The following MSH4 variants were observed in gnomAD, a reference collection of about 807,000 sequenced individuals.
MSH4 encodes the protein mutS homolog 4.
A neutral mutation model predicts 113.7 loss-of-function variants in MSH4; 106 were observed. The ratio of observed to expected loss-of-function variants is 0.93; its 90% CI spans 0.80 to 1.10. MSH4 has a LOEUF of 1.10. Ranked by LOEUF, MSH4 falls within the 50% of genes least tolerant of loss-of-function variation. MSH4 has a pLI of 0.00. For missense variants in MSH4, 1,061 were observed against 1,093.7 expected (o/e 0.97, Z 0.42); for synonymous variants, 368 against 380.2 (o/e 0.97, Z 0.37).
chr1:75,889,402 C>T, intron 16 of MSH4, 33 bp downstream of exon 16: 1 of 954,998 alleles, frequency 1.0e-6, no homozygotes, highest in Non-Finnish European at 1.6e-6. Flanking sequence ...ATGTTAAAAA[C>T]ATTAAATTCT....
chr1:75,898,263 A>T (rs1652427854), intron 18 of MSH4, among the ~76,000 whole-genome samples, 182 bp downstream of exon 18: 1 of 152,112 alleles, frequency 6.6e-6, no homozygotes, highest in Non-Finnish European at 1.5e-5. Flanking sequence ...AGATATAGAT[A>T]TATAAATCTT....
At chr1:75,826,401 C>G (rs908488283) in intron 7 of MSH4, among the ~76,000 whole-genome samples, 4 of 152,032 alleles carry the variant, frequency 2.6e-5, no homozygotes, top group African/African-American at 7.2e-5. Flanking sequence ...TTAATCTTTT[C>G]AAAAAACCAG....
chr1:75,799,016 G>A (rs1424949037), intron 1 of MSH4, among the ~76,000 whole-genome samples: 1 of 152,140 alleles, frequency 6.6e-6, no homozygotes, highest in Non-Finnish European at 1.5e-5. Flanking sequence ...AAAGCAATTG[G>A]GATCGGTTTC....
chr1:75,887,777 G>C (rs1412341657), intron 15 of MSH4, among the ~76,000 whole-genome samples: 1 of 151,938 alleles, frequency 6.6e-6, no homozygotes, highest in Non-Finnish European at 1.5e-5. Context: ...GGTCATTCCT[G>C]TTTTCTTGGA....
intron 6 of MSH4, among the ~76,000 whole-genome samples, chr1:75,816,818 G>C (rs964005882): frequency 2.0e-5 from 3 of 152,014 alleles, no homozygotes; most frequent in Non-Finnish European, 4.4e-5. Context: ...ATAGAGACAG[G>C]GTTTCACCAT....
intron 12 of MSH4, 27 bp from the exon 13 acceptor site, chr1:75,880,023 G>T: frequency 8.8e-7 from 1 of 1,141,340 alleles, no homozygotes; most frequent in Admixed American, 1.8e-5. Flanking sequence ...CATTTATCTT[G>T]ACATTTGTTT....
Position 75,881,290 on chromosome 1 carries a change from G to A in MSH4, c.1826G>A (p.Cys609Tyr). ...LLSEIYEHIH[C>Y]LYKLSDTVSM... is the part of the protein sequence containing the mutation. Reference sequence around the variant, plus strand: ...AGTGAGATTTATGAACATATTCATTGCTTATATAAACTATCTGACACTGTG... The same window carrying A: ...AGTGAGATTTATGAACATATTCATTACTTATATAAACTATCTGACACTGTG... Residue 609 changes from cysteine to tyrosine, a missense_variant, in exon 14 of 20, where the codon TGC becomes TAC. Coordinates refer to ENST00000263187, the MANE Select transcript of MSH4 (RefSeq NM_002440.4). 1 of 1,608,574 alleles carries A rather than the reference G, an allele frequency of 6.2e-7. No individual in the cohort carries two copies. Among genetic ancestry groups the A allele is most frequent in the Non-Finnish European group, 8.5e-7 (1 of 1,176,132 alleles).
At chr1:75,807,437 T>C (rs530465495) in intron 3 of MSH4, among the ~76,000 whole-genome samples, 1 of 152,206 alleles carries the variant, frequency 6.6e-6, no homozygotes, top group African/African-American at 2.4e-5. Context: ...AGGTAATATA[T>C]GTGATAATGT....
At position 75,888,658 on chromosome 1, in the gene MSH4, A is replaced by G. The variant is rs566075513; in HGVS notation, c.2108-593A>G. On this transcript the variant is annotated intron_variant, in intron 15 of 19. Coordinates refer to ENST00000263187, the MANE Select transcript of MSH4 (RefSeq NM_002440.4). The stretch of plus-strand genomic sequence containing the variant: ...GACATAATAATTGCACGCATTTAAG[A>G]GATACATAGTGATGTTTGAATACAT... 4.6e-5 allele frequency among the ~76,000 whole-genome samples: 7 copies of G among 152,006 alleles called. No homozygotes were observed. The South Asian group carries it at 6.2e-4, about 14-fold the overall frequency.
At position 75,889,358 on chromosome 1, in the gene MSH4, G is replaced by T; in HGVS notation, c.2215G>T (p.Glu739Ter). 6.9e-7 allele frequency: 1 copy of T among 1,440,760 alleles called. No homozygotes were observed. Among genetic ancestry groups the T allele is most frequent in the Non-Finnish European group, 9.5e-7 (1 of 1,048,166 alleles). The allele number at this position is 1,440,760 out of a possible 1,614,324, so 89.2% of individuals were successfully genotyped here. ...AACAAATTCATCAACATTTATGAAA[G>T]AAATGAAAGAGGTACCCAAACAAAA... ...IETNSSTFMK[E>*]MKEIAYILHN... The change falls in exon 16 of 20, where the codon GAA becomes TAA. Residue 739 changes from glutamate to a stop codon, truncating the protein, a stop_gained. Coordinates refer to ENST00000263187, the MANE Select transcript of MSH4 (RefSeq NM_002440.4). LOFTEE classifies it high-confidence loss of function.
At chr1:75,869,049 T>C (rs888670836) in intron 9 of MSH4, among the ~76,000 whole-genome samples, 3 of 152,046 alleles carry the variant, frequency 2.0e-5, no homozygotes, top group African/African-American at 7.3e-5. Flanking sequence ...AGACAGGAAG[T>C]TGTAGGAAAG....
At position 75,883,767 on chromosome 1, in the gene MSH4, G is replaced by T. The variant is rs746511722; in HGVS notation, c.2053G>T (p.Gly685Ter). 22 of 1,613,018 alleles carry T rather than the reference G, an allele frequency of 1.4e-5. No homozygotes were observed. The highest frequency in any genetic ancestry group is 1.9e-5 in the Non-Finnish European group (22 of 1,179,548). Residue 685 changes from glycine (G) to a stop codon, truncating the protein, a stop_gained, in exon 15 of 20, where the codon GGA becomes TGA. Coordinates refer to ENST00000263187, the MANE Select transcript of MSH4 (RefSeq NM_002440.4). LOFTEE classifies it high-confidence loss of function. ...FLIITGPNMS[G>*]KSTYLKQIAL... ...GATCATAACTGGACCAAACATGAGT[G>T]GAAAATCCACATATTTAAAACAGAT...
At chr1:75,850,042 T>C (rs901889998) in intron 8 of MSH4, among the ~76,000 whole-genome samples, 1 of 152,154 alleles carries the variant, frequency 6.6e-6, no homozygotes, top group African/African-American at 2.4e-5. Context: ...CTGATACTGA[T>C]AATTTTAATA....
intron 7 of MSH4, among the ~76,000 whole-genome samples, chr1:75,841,693 C>T (rs1430561273): frequency 6.6e-6 from 1 of 151,924 alleles, no homozygotes; most frequent in Non-Finnish European, 1.5e-5. Context: ...GAGTACTGAT[C>T]AAATCCTATT....
At chr1:75,842,817 C>T (rs1650990953) in intron 7 of MSH4, among the ~76,000 whole-genome samples, 1 of 152,134 alleles carries the variant, frequency 6.6e-6, no homozygotes, top group South Asian at 2.1e-4. Context: ...GAAAGGGAGT[C>T]TCCCTTTCCC....
intron 7 of MSH4, 80 bp downstream of exon 7, chr1:75,822,661 A>G (rs773998111): frequency 1.3e-4 from 100 of 764,698 alleles, no homozygotes; most frequent in Non-Finnish European, 1.8e-4. Flanking sequence ...ATGTTTCTGA[A>G]AGACAAGTAG....
intron 1 of MSH4, among the ~76,000 whole-genome samples, chr1:75,797,819 G>C (rs1316673868): frequency 1.3e-5 from 2 of 152,100 alleles, no homozygotes; most frequent in African/African-American, 4.8e-5. Context: ...GGTGGCACGT[G>C]ACTGTGGTCC....
At chr1:75,908,472 T>G (rs1332812689) in intron 19 of MSH4, among the ~76,000 whole-genome samples, 1 of 152,172 alleles carries the variant, frequency 6.6e-6, no homozygotes, top group Non-Finnish European at 1.5e-5. Context: ...ATTAAATTTC[T>G]CTGATAAATT....
intron 8 of MSH4, among the ~76,000 whole-genome samples, chr1:75,856,186 C>T (rs1651312308): frequency 6.6e-6 from 1 of 151,536 alleles, no homozygotes. Context: ...ATTCAGTAAG[C>T]TAAGAATCTG....
Sources: allele counts gnomAD v4.1 joint callset (sites outside exome capture counted in the v4.1 genomes callset), GRCh38; gene constraint gnomAD v4.1.1; transcripts MANE v1.5; gene names NCBI Gene and HGNC (gene_info 2026-07-23, HGNC 2026-07-21).